Variants in KPNA6 observed in about 807,000 individuals in gnomAD.
KPNA6 encodes importin subunit alpha-7.
In KPNA6, 9 loss-of-function variants were observed where a neutral mutation model predicts 72.0. The ratio of observed to expected loss-of-function variants is 0.13; its 90% CI spans 0.08 to 0.22. The LOEUF is 0.22. KPNA6 is among the 10% of genes least tolerant of loss of function. KPNA6 has a pLI of 1.00. For missense variants in KPNA6, 374 were observed against 655.7 expected (o/e 0.57, Z 4.69); for synonymous variants, 219 against 242.1 (o/e 0.90, Z 0.89).
intron 10 of KPNA6, 123 bp downstream of exon 10, chr1:32,163,436 G>GAAGT: frequency 1.5e-6 from 1 of 684,834 alleles, no homozygotes. Context: ...ATGGTCTAAG[G>GAAGT]AAGTAAGTGT....
At chr1:32,127,687 T>G (rs1641558753) in intron 1 of KPNA6, among the ~76,000 whole-genome samples, 1 of 152,220 alleles carries the variant, frequency 6.6e-6, no homozygotes, top group South Asian at 2.1e-4. Context: ...AGAGGCATTT[T>G]GCTGTGTGGA....
At chr1:32,150,127 CTTTTTTTT>C (rs35179721) in intron 1 of KPNA6, among the ~76,000 whole-genome samples, 3 of 87,058 alleles carry the variant, frequency 3.4e-5, no homozygotes, top group South Asian at 4.3e-4. Flanking sequence ...AATTTTTAGT[CTTTTTTTT>C]TTTTTTTTTT....
chr1:32,122,781 C>T (rs1320673742), intron 1 of KPNA6, among the ~76,000 whole-genome samples: 1 of 151,764 alleles, frequency 6.6e-6, no homozygotes, highest in Non-Finnish European at 1.5e-5. Flanking sequence ...CACAGAGAAA[C>T]CCCCTCTCTA....
At chr1:32,166,624 CAAAAAAAAA>C (rs561653103) in intron 11 of KPNA6, among the ~76,000 whole-genome samples, 1 of 39,048 alleles carries the variant, frequency 2.6e-5, no homozygotes, top group Admixed American at 3.0e-4. Flanking sequence ...GACTCCGTCT[CAAAAAAAAA>C]AAAAAAAAAA....
Position 32,130,222 on chromosome 1 carries a change from ATTTTT to A in KPNA6, c.4+22108_4+22112del, listed in dbSNP as rs55953899. On this transcript the variant is annotated intron_variant, in intron 1 of 13. Coordinates refer to ENST00000373625, the MANE Select transcript of KPNA6 (RefSeq NM_012316.5). ...TTTAGTCTGGATTTAGTAGATAAAT[ATTTTT>A]TTTTTTTTTTTTTTTTTTTACCATG... Among the ~76,000 whole-genome samples the A allele has an allele frequency of 6.7e-4, 69 of 103,102 alleles. No homozygotes were observed. In the East Asian group the frequency reaches 0.014, roughly 20 times the overall value. 67.6% of individuals were successfully genotyped at this position (103,102 alleles called of 152,430 possible). A position where few individuals can be genotyped will look rare whatever the true frequency, so the allele number is the denominator to read the frequency against.
chr1:32,138,865 TC>T (rs1641788185), intron 1 of KPNA6, among the ~76,000 whole-genome samples: 2 of 152,302 alleles, frequency 1.3e-5, no homozygotes, highest in Admixed American at 1.3e-4. Context: ...ACTGGCTTTT[TC>T]TGAGGTATTT....
chr1:32,163,853 TCACTCAAA>T (rs1192177532), intron 10 of KPNA6, among the ~76,000 whole-genome samples: 2 of 152,212 alleles, frequency 1.3e-5, no homozygotes, highest in African/African-American at 2.4e-5. Flanking sequence ...GTGAGTAGTG[TCACTCAAA>T]CACTCAAACC....
At chr1:32,152,870 AAATT>A (rs1202533071) in intron 1 of KPNA6, among the ~76,000 whole-genome samples, 1 of 149,682 alleles carries the variant, frequency 6.7e-6, no homozygotes, top group Non-Finnish European at 1.5e-5. Context: ...AAAATAAAAA[AAATT>A]AGCCCTGCGT....
chr1:32,145,268 T>C (rs1641910771), intron 1 of KPNA6, among the ~76,000 whole-genome samples: 1 of 151,108 alleles, frequency 6.6e-6, no homozygotes, highest in African/African-American at 2.4e-5. Context: ...CAAAACTTTT[T>C]TATATACGTT....
At position 32,158,354 on chromosome 1, in the gene KPNA6, C is replaced by T. The variant is rs1642179993; in HGVS notation, c.419C>T (p.Thr140Ile). Reference sequence around the variant, plus strand: ...TTTCTGAAGAGGAATGAGAATTGTACATTACAGGTGAGGCCTGAAGGGAAG... The same window carrying T: ...TTTCTGAAGAGGAATGAGAATTGTATATTACAGGTGAGGCCTGAAGGGAAG... ...VEFLKRNENC[T>I]LQFEAAWALT... is the part of the protein sequence containing the mutation. The change falls in exon 5 of 14, where the codon ACA becomes ATA. Residue 140 changes from threonine to isoleucine, a missense_variant. Coordinates refer to ENST00000373625, the MANE Select transcript of KPNA6 (RefSeq NM_012316.5). 3 of 1,607,422 alleles carry T rather than the reference C, an allele frequency of 1.9e-6. No homozygotes were observed. The highest frequency in any genetic ancestry group is 2.6e-6 in the Non-Finnish European group (3 of 1,174,032).
chr1:32,130,554 G>T (rs1477731496), intron 1 of KPNA6, among the ~76,000 whole-genome samples: 1 of 152,112 alleles, frequency 6.6e-6, no homozygotes, highest in East Asian at 1.9e-4. Context: ...GGGAGGCCGA[G>T]ACGGGCAAAT....
In KPNA6 at chr1:32,142,494, T is replaced by A. The variant is rs372504841; in HGVS notation, c.5-12094T>A. 3.9e-5 allele frequency among the ~76,000 whole-genome samples: 6 copies of A among 152,254 alleles called. No individual in the cohort carries two copies. In the East Asian group the frequency reaches 7.7e-4, roughly 20 times the overall value. On this transcript the variant is annotated intron_variant, in intron 1 of 13. Coordinates refer to ENST00000373625, the MANE Select transcript of KPNA6 (RefSeq NM_012316.5). ...TGAGGTATTGGGGTTTAGGACTTCA[T>A]AATATGAATTAGGAACAGACATGAT...
chr1:32,145,189 G>C (rs1297928687), intron 1 of KPNA6, among the ~76,000 whole-genome samples: 7 of 150,298 alleles, frequency 4.7e-5, no homozygotes, highest in African/African-American at 1.5e-4. Context: ...TCAATCTCCT[G>C]ACCTCGTGAT....
intron 1 of KPNA6, among the ~76,000 whole-genome samples, chr1:32,131,431 T>C (rs986973658): frequency 3.3e-5 from 5 of 152,126 alleles, no homozygotes; most frequent in Admixed American, 2.0e-4. Context: ...GGAAGATCAC[T>C]TGAGCCCAGG....
chr1:32,119,022 A>ATTTT (rs1557457158), intron 1 of KPNA6, among the ~76,000 whole-genome samples: 3 of 75,548 alleles, frequency 4.0e-5, no homozygotes, highest in Non-Finnish European at 6.6e-5. Context: ...ATATATATAT[A>ATTTT]TATATATATA....
At position 32,136,737 on chromosome 1, in the gene KPNA6, TA is replaced by T. The variant is rs1323216985; in HGVS notation, c.5-17848del. ...GATTCAGCCTATGGATTCTGTTTGA[TA>T]AAGTGGGAAGTTATATGGAATAAGC... On this transcript the variant is annotated intron_variant, in intron 1 of 13. Coordinates refer to ENST00000373625, the MANE Select transcript of KPNA6 (RefSeq NM_012316.5). Among the ~76,000 whole-genome samples the T allele has an allele frequency of 2.0e-5, 3 of 152,334 alleles. No individual in the cohort carries two copies. In the East Asian group the frequency reaches 5.8e-4, roughly 29 times the overall value.
intron 1 of KPNA6, among the ~76,000 whole-genome samples, chr1:32,113,099 G>A (rs1207994216): frequency 6.6e-6 from 1 of 152,006 alleles, no homozygotes; most frequent in East Asian, 1.9e-4. Context: ...TTTATGTAAT[G>A]TTCTAAATCT....
chr1:32,162,580 T>C, intron 9 of KPNA6, 56 bp downstream of exon 9: 3 of 1,592,886 alleles, frequency 1.9e-6, no homozygotes, highest in Admixed American at 1.7e-5. Context: ...CTTATGCTTA[T>C]AATCCCAGCA....
chr1:32,154,956 C>T (rs1241147064), intron 2 of KPNA6, among the ~76,000 whole-genome samples: 1 of 151,858 alleles, frequency 6.6e-6, no homozygotes. Context: ...ACTAAAAATA[C>T]AGAAATTAGC....
Sources: gnomAD v4.1 joint callset for allele counts (sites outside exome capture counted in the v4.1 genomes callset) on GRCh38, gnomAD v4.1.1 for gene constraint, MANE v1.5 for transcripts, NCBI Gene and HGNC (gene_info 2026-07-23, HGNC 2026-07-21) for gene names.